KCNK2: variants seen among roughly 807,000 people sequenced by gnomAD.
KCNK2 encodes the protein potassium channel subfamily K member 2.
In KCNK2, 21 loss-of-function variants were observed where a neutral mutation model predicts 40.5. That is an observed-to-expected ratio of 0.52 (90% CI 0.37 to 0.75). The LOEUF is 0.75. Among genes scored for constraint, KCNK2 ranks in the 30% least tolerant of loss-of-function variants. KCNK2 has a pLI of 0.00. For synonymous variants in KCNK2, 191 were observed against 202.2 expected, an observed-to-expected ratio of 0.94 and a Z score of 0.47; for missense variants, 399 against 531.6, an observed-to-expected ratio of 0.75 and a Z score of 2.45.
chr1:215,171,749 A>G (rs192442876), intron 4 of KCNK2, among the ~76,000 whole-genome samples: 1 of 152,306 alleles, frequency 6.6e-6, no homozygotes, highest in Admixed American at 6.5e-5. Flanking sequence ...ATAAAGTAGC[A>G]TCATTGTTAG....
At chr1:215,208,910 C>T (rs1000028722) in intron 6 of KCNK2, among the ~76,000 whole-genome samples, 3 of 151,876 alleles carry the variant, frequency 2.0e-5, no homozygotes, top group Non-Finnish European at 4.4e-5. Flanking sequence ...TCACTACAAC[C>T]TCCGCCTCCT....
At chr1:215,214,196 G>A (rs1395521006) in intron 6 of KCNK2, among the ~76,000 whole-genome samples, 1 of 152,148 alleles carries the variant, frequency 6.6e-6, no homozygotes, top group African/African-American at 2.4e-5. Flanking sequence ...GCATGGCTGG[G>A]GAGGCCTCAG....
chr1:215,142,045 T>G (rs1278206392), intron 3 of KCNK2, among the ~76,000 whole-genome samples: 9 of 152,138 alleles, frequency 5.9e-5, no homozygotes, highest in Non-Finnish European at 1.2e-4. Flanking sequence ...ATCTTTTATA[T>G]TCTGTGAGCT....
At chr1:215,065,060 G>A (rs1458635910) in intron 1 of KCNK2, among the ~76,000 whole-genome samples, 6 of 152,192 alleles carry the variant, frequency 3.9e-5, no homozygotes, top group Admixed American at 3.3e-4. Context: ...TTTATTTAAA[G>A]TAGTTCTAAG....
At chr1:215,229,231 A>T in intron 6 of KCNK2, among the ~76,000 whole-genome samples, 1 of 144,890 alleles carries the variant, frequency 6.9e-6, no homozygotes, top group African/African-American at 2.6e-5. Context: ...TTTGAATGTG[A>T]ATGATTAATT....
intron 6 of KCNK2, among the ~76,000 whole-genome samples, chr1:215,229,852 T>C (rs1282612898): frequency 6.6e-6 from 1 of 151,772 alleles, no homozygotes; most frequent in Non-Finnish European, 1.5e-5. Flanking sequence ...GATTTCTATA[T>C]AGCATGAATT....
intron 1 of KCNK2, among the ~76,000 whole-genome samples, chr1:215,048,527 TACA>T (rs1258702516): frequency 6.6e-6 from 1 of 152,182 alleles, no homozygotes; most frequent in Non-Finnish European, 1.5e-5. Context: ...AACAAACACA[TACA>T]ACAACAACAA....
intron 1 of KCNK2, among the ~76,000 whole-genome samples, chr1:215,026,716 C>T (rs1657013651): frequency 6.6e-6 from 1 of 151,886 alleles, no homozygotes; most frequent in Admixed American, 6.6e-5. Flanking sequence ...TTAGTTTATT[C>T]ATAGGATTTT....
chr1:215,177,740 A>ATTTTTTTTTTTT (rs375712483), intron 5 of KCNK2, among the ~76,000 whole-genome samples: 2 of 101,600 alleles, frequency 2.0e-5, no homozygotes, highest in Non-Finnish European at 4.0e-5. Context: ...ATATATATAT[A>ATTTTTTTTTTTT]TTTTTTTTTT....
chr1:215,034,453 G>C (rs1021221896), intron 1 of KCNK2, among the ~76,000 whole-genome samples: 7 of 151,888 alleles, frequency 4.6e-5, no homozygotes, highest in African/African-American at 1.7e-4. Flanking sequence ...GAATGGAGTA[G>C]TTGAATCCTA....
At chr1:215,111,234 G>T (rs761474007) in intron 2 of KCNK2, among the ~76,000 whole-genome samples, 1 of 152,000 alleles carries the variant, frequency 6.6e-6, no homozygotes, top group Non-Finnish European at 1.5e-5. Context: ...TTGCCAAGTT[G>T]CTCTACCTAG....
intron 1 of KCNK2, among the ~76,000 whole-genome samples, chr1:215,048,797 C>A (rs569294773): frequency 6.6e-6 from 1 of 152,150 alleles, no homozygotes; most frequent in African/African-American, 2.4e-5. Context: ...GAGAATTCAT[C>A]CCAGCCTGGA....
intron 1 of KCNK2, among the ~76,000 whole-genome samples, chr1:215,016,427 A>T (rs562472628): frequency 6.6e-6 from 1 of 152,312 alleles, no homozygotes; most frequent in Admixed American, 6.5e-5. Flanking sequence ...AATGGAACAG[A>T]ATAGAAAGCC....
chr1:215,044,693 A>G (rs535231207), intron 1 of KCNK2, among the ~76,000 whole-genome samples: 1 of 152,306 alleles, frequency 6.6e-6, no homozygotes, highest in East Asian at 1.9e-4. Flanking sequence ...GTGGAACTAC[A>G]AATTGATACC....
intron 1 of KCNK2, among the ~76,000 whole-genome samples, chr1:215,070,221 T>C (rs947949407): frequency 1.4e-5 from 2 of 144,990 alleles, no homozygotes; most frequent in Non-Finnish European, 3.0e-5. Context: ...GCATCCTGGC[T>C]AACATGGTGA....
intron 2 of KCNK2, among the ~76,000 whole-genome samples, chr1:215,123,825 C>A (rs1184700885): frequency 1.3e-5 from 2 of 152,174 alleles, no homozygotes; most frequent in Non-Finnish European, 2.9e-5. Flanking sequence ...TGTACATTTT[C>A]TCCTAACATA....
chr1:215,083,127 C>A lies in KCNK2; in HGVS notation c.-259C>A, dbSNP rs1659244839. 1.5e-6 allele frequency: 1 copy of A among 669,392 alleles called. No homozygotes were observed. The highest frequency in any genetic ancestry group is 2.4e-6 in the Non-Finnish European group (1 of 415,392). The allele number at this position is 669,392 out of a possible 1,614,324, so 41.5% of individuals were successfully genotyped here. On this transcript the variant is annotated 5_prime_UTR_variant, in exon 1 of 7. Transcript: ENST00000444842. ...CGGCGGCGCCCAAGCCCAACTTGGC[C>A]TCCGCCTCGCCCTCTGCCCAGCCCG...
chr1:215,109,516 G>A (rs1011209191), intron 2 of KCNK2, among the ~76,000 whole-genome samples: 10 of 151,906 alleles, frequency 6.6e-5, no homozygotes, highest in Non-Finnish European at 1.3e-4. Flanking sequence ...AGTTCTATCC[G>A]TGTTGCTACA....
chr1:215,160,818 T>C (rs1342440205), intron 3 of KCNK2, among the ~76,000 whole-genome samples: 1 of 152,208 alleles, frequency 6.6e-6, no homozygotes, highest in East Asian at 1.9e-4. Context: ...CCCCATAATT[T>C]GTAGATCTAG....
Sources: allele counts gnomAD v4.1 joint callset (sites outside exome capture counted in the v4.1 genomes callset), GRCh38; gene constraint gnomAD v4.1.1; transcripts MANE v1.5; gene names NCBI Gene and HGNC (gene_info 2026-07-23, HGNC 2026-07-21).